The following B3GALT1 variants were observed in gnomAD, a reference collection of about 807,000 sequenced individuals.
B3GALT1 encodes the protein beta-1,3-galactosyltransferase 1, also known as UDP-Gal:betaGlcNAc beta 1,3-galactosyltransferase, polypeptide 1.
Under a neutral mutation model 23.2 loss-of-function variants are expected in B3GALT1, and 10 were observed. That is an observed-to-expected ratio of 0.43 (90% CI 0.27 to 0.73). B3GALT1 has a LOEUF of 0.73. Ranked by LOEUF, B3GALT1 falls within the 30% of genes least tolerant of loss-of-function variation. B3GALT1 has a pLI of 0.21. For missense variants in B3GALT1, 299 were observed against 405.4 expected, an observed-to-expected ratio of 0.74 and a Z score of 2.25; for synonymous variants, 156 against 141.5, an observed-to-expected ratio of 1.10 and a Z score of -0.73.
intron 1 of B3GALT1, among the ~76,000 whole-genome samples, chr2:167,323,666 A>G (rs1384373813): frequency 6.6e-6 from 1 of 152,178 alleles, no homozygotes; most frequent in Non-Finnish European, 1.5e-5. Flanking sequence ...TGCTTATGAC[A>G]TTTCAAGCAC....
chr2:167,867,113 A>T (rs541186638), intron 4 of B3GALT1, among the ~76,000 whole-genome samples: 1 of 152,128 alleles, frequency 6.6e-6, no homozygotes, highest in Non-Finnish European at 1.5e-5. Context: ...TTTTTAGTAG[A>T]GACGGGGTTT....
In B3GALT1 at chr2:167,786,982, T is replaced by C. The variant is rs186793758; in HGVS notation, c.-351-31690T>C. ...TTAACCTCGTCATGTGATTCAAATA[T>C]ACAGTTAAGACTGAGGCCCACTACT... On this transcript the variant is annotated intron_variant, in intron 3 of 4. Coordinates refer to ENST00000392690, the MANE Select transcript of B3GALT1 (RefSeq NM_020981.4). Among the ~76,000 whole-genome samples the C allele has an allele frequency of 2.0e-5, 3 of 152,314 alleles. No homozygotes were observed. In the East Asian group the frequency reaches 5.8e-4, roughly 29 times the overall value.
chr2:167,822,661 C>A (rs1316656073), intron 4 of B3GALT1, among the ~76,000 whole-genome samples: 2 of 152,172 alleles, frequency 1.3e-5, no homozygotes, highest in African/African-American at 4.8e-5. Flanking sequence ...TGGCTTCAGA[C>A]CTCCTCTCTC....
At chr2:167,762,417 A>T (rs191725189) in intron 3 of B3GALT1, among the ~76,000 whole-genome samples, 7 of 152,226 alleles carry the variant, frequency 4.6e-5, no homozygotes, top group Admixed American at 1.3e-4. Context: ...TGGGATTAAC[A>T]TTTCAGAAAC....
chr2:167,739,397 T>A (rs1006545934), intron 3 of B3GALT1, among the ~76,000 whole-genome samples: 4 of 152,096 alleles, frequency 2.6e-5, no homozygotes, highest in Admixed American at 2.6e-4. Context: ...GGAGGGTGGA[T>A]AGAAATGGGA....
rs996431783 is a variant in B3GALT1, at chr2:167,621,366, G to A, written c.-409-25543G>A. 9.9e-5 allele frequency among the ~76,000 whole-genome samples: 15 copies of A among 151,894 alleles called. No homozygotes were observed. In the South Asian group the frequency reaches 1.0e-3, roughly 11 times the overall value. ...CTCCCAAAGTGCTGGAATTACAGGCGTGAGCCACCTTGCCTGGCCAGTGAG... is the reference window on the plus strand; with the variant it reads ...CTCCCAAAGTGCTGGAATTACAGGCATGAGCCACCTTGCCTGGCCAGTGAG... On this transcript the variant is annotated intron_variant, in intron 2 of 4. Coordinates refer to ENST00000392690, the MANE Select transcript of B3GALT1 (RefSeq NM_020981.4).
chr2:167,571,574 G>A (rs1684294258), intron 2 of B3GALT1, among the ~76,000 whole-genome samples: 1 of 151,842 alleles, frequency 6.6e-6, no homozygotes, highest in South Asian at 2.1e-4. Context: ...GTGCTGCAGA[G>A]TTCCCTCCAG....
intron 1 of B3GALT1, among the ~76,000 whole-genome samples, chr2:167,410,489 TCAAAAA>T (rs76803563): frequency 8.0e-5 from 1 of 12,454 alleles, no homozygotes. Context: ...AGACTCCATC[TCAAAAA>T]AAAAAAAAAA....
At chr2:167,696,907 A>G (rs568887194) in intron 3 of B3GALT1, among the ~76,000 whole-genome samples, 1 of 152,316 alleles carries the variant, frequency 6.6e-6, no homozygotes, top group South Asian at 2.1e-4. Flanking sequence ...TTTATAATCT[A>G]CAAAAACAGG....
At position 167,858,368 on chromosome 2, in the gene B3GALT1, C is replaced by T. The variant is rs368574446; in HGVS notation, c.-229-10443C>T. On this transcript the variant is annotated intron_variant, in intron 4 of 4. Coordinates refer to ENST00000392690, the MANE Select transcript of B3GALT1 (RefSeq NM_020981.4). ...GTAAAAAAAAAAAAAAAAAAAACTG[C>T]TTTTGCACCAATTAGTCAAGATGCA... Among the ~76,000 whole-genome samples, 1,405 of 148,408 alleles carry T rather than the reference C, an allele frequency of 9.5e-3. 17 individuals carry two copies. The highest frequency in any genetic ancestry group is 0.033 in the African/African-American group (1,341 of 40,590).
intron 1 of B3GALT1, among the ~76,000 whole-genome samples, chr2:167,362,073 C>CA (rs1177838833): frequency 2.0e-5 from 3 of 151,946 alleles, no homozygotes; most frequent in Non-Finnish European, 2.9e-5. Flanking sequence ...GACTCCATCT[C>CA]AAAAAACAAA....
intron 4 of B3GALT1, among the ~76,000 whole-genome samples, chr2:167,843,564 G>C (rs1158897535): frequency 6.6e-6 from 1 of 152,168 alleles, no homozygotes; most frequent in Non-Finnish European, 1.5e-5. Flanking sequence ...GAAGTGATGT[G>C]TCTTTGTCAT....
chr2:167,690,593 A>T (rs571282829), intron 3 of B3GALT1, among the ~76,000 whole-genome samples: 11 of 152,172 alleles, frequency 7.2e-5, no homozygotes, highest in African/African-American at 2.6e-4. Context: ...TTTTCCTGTG[A>T]CTCCATTTTC....
rs547736198 is a variant in B3GALT1, at chr2:167,560,732, A to G, written c.-410+70455A>G. Reference sequence around the variant, plus strand: ...GAAGGCCATTACATAATGGTAAAGGAATCAATTCAACAAGAAGAGCTAACT... The same window carrying G: ...GAAGGCCATTACATAATGGTAAAGGGATCAATTCAACAAGAAGAGCTAACT... On this transcript the variant is annotated intron_variant, in intron 2 of 4. Transcript: ENST00000392690. 9.6e-3 allele frequency among the ~76,000 whole-genome samples: 1,464 copies of G among 151,750 alleles called. 20 individuals carry two copies. Among genetic ancestry groups the G allele is most frequent in the African/African-American group, 0.033 (1,364 of 41,116 alleles).
At chr2:167,756,486 T>A (rs1687820901) in intron 3 of B3GALT1, among the ~76,000 whole-genome samples, 1 of 152,236 alleles carries the variant, frequency 6.6e-6, no homozygotes, top group Admixed American at 6.5e-5. Flanking sequence ...AGACCAGCAC[T>A]TCTCAGCGAT....
intron 2 of B3GALT1, among the ~76,000 whole-genome samples, chr2:167,550,936 T>G (rs1335581348): frequency 6.6e-6 from 1 of 152,168 alleles, no homozygotes; most frequent in Admixed American, 6.5e-5. Context: ...GCATGGCTGG[T>G]CAGCTCTGGA....
At chr2:167,461,772 A>G (rs1699262539) in intron 1 of B3GALT1, among the ~76,000 whole-genome samples, 1 of 152,128 alleles carries the variant, frequency 6.6e-6, no homozygotes, top group African/African-American at 2.4e-5. Context: ...TGATTCTTTT[A>G]GGCAATTACA....
chr2:167,603,311 T>C (rs185625606), intron 2 of B3GALT1, among the ~76,000 whole-genome samples: 2 of 152,306 alleles, frequency 1.3e-5, no homozygotes, highest in East Asian at 1.9e-4. Context: ...AGTCAGAAGA[T>C]ACAGATAAAT....
At chr2:167,673,110 C>A (rs1322947995) in intron 3 of B3GALT1, among the ~76,000 whole-genome samples, 1 of 151,776 alleles carries the variant, frequency 6.6e-6, no homozygotes, top group African/African-American at 2.4e-5. Flanking sequence ...AAATGTGATT[C>A]CTATGATAAG....
Sources: gnomAD v4.1 joint callset for allele counts (sites outside exome capture counted in the v4.1 genomes callset) on GRCh38, gnomAD v4.1.1 for gene constraint, MANE v1.5 for transcripts, NCBI Gene and HGNC (gene_info 2026-07-23, HGNC 2026-07-21) for gene names.